The following ING5 variants were observed in gnomAD, a reference collection of about 807,000 sequenced individuals.
ING5 encodes inhibitor of growth protein 5.
Under a neutral mutation model 37.4 loss-of-function variants are expected in ING5, and 17 were observed. The ratio of observed to expected loss-of-function variants is 0.45; its 90% CI spans 0.31 to 0.68. The LOEUF is 0.68. Among genes scored for constraint, ING5 ranks in the 30% least tolerant of loss-of-function variants. The probability of loss-of-function intolerance (pLI) is 0.05; values close to 1 mark genes in which losing one functional copy is unlikely to be tolerated. For missense variants in ING5, 233 were observed against 311.9 expected (o/e 0.75, Z 1.91); for synonymous variants, 123 against 116.6 (o/e 1.06, Z -0.36).
Position 241,704,557 on chromosome 2 carries a change from A to G in ING5, c.38-96A>G, listed in dbSNP as rs1248204212. 6 of 1,002,650 alleles carry G rather than the reference A, an allele frequency of 6.0e-6. No homozygotes were observed. In the Admixed American group the frequency reaches 8.7e-5, roughly 15 times the overall value. The allele number at this position is 1,002,650 out of a possible 1,614,324, so 62.1% of individuals were successfully genotyped here. ...CACTCCAGCCTGGGCAACAAGAGTG[A>G]AACTCCATCTCAAAAAAAAAAGACA... On this transcript the variant is annotated intron_variant, in intron 1 of 7. Coordinates refer to ENST00000313552, the MANE Select transcript of ING5 (RefSeq NM_032329.6).
chr2:241,721,586 C>G (rs1404915273), intron 5 of ING5: 3 of 985,370 alleles, frequency 3.0e-6, no homozygotes, highest in Non-Finnish European at 3.6e-6. Context: ...ACCCAGACTT[C>G]TGCTCCTTGG....
In ING5 at chr2:241,719,560, G is replaced by A. The variant is rs781233545; in HGVS notation, c.483-3379G>A. On this transcript the variant is annotated intron_variant, in intron 5 of 7. Coordinates refer to ENST00000313552, the MANE Select transcript of ING5 (RefSeq NM_032329.6). Reference sequence around the variant, plus strand: ...CCTGTCCCGACCGTGCCTTTTCTGCGTGAAAGTGGGACTCCTCCTGGTCTC... The same window carrying A: ...CCTGTCCCGACCGTGCCTTTTCTGCATGAAAGTGGGACTCCTCCTGGTCTC... The A allele has an allele frequency of 3.6e-5, 55 of 1,536,012 alleles. 2 individuals carry two copies. In the South Asian group the frequency reaches 4.3e-4, roughly 12 times the overall value.
chr2:241,719,982 T>C (rs2070388563), intron 5 of ING5: 4 of 1,267,640 alleles, frequency 3.2e-6, no homozygotes, highest in South Asian at 6.6e-5. Context: ...CAAGTGGCAG[T>C]GCTGCTCCTG....
chr2:241,704,698 T>C lies in ING5; in HGVS notation c.83T>C (p.Met28Thr). ...GAACTTCAGAGGAACTTCCAGCTGATGCGAGAGCTGGACCAGAGGACGGAA... is the reference window on the plus strand; with the variant it reads ...GAACTTCAGAGGAACTTCCAGCTGACGCGAGAGCTGGACCAGAGGACGGAA... ...PCELQRNFQL[M>T]RELDQRTEDK... is the part of the protein sequence containing the mutation. The change falls in exon 2 of 8, where the codon ATG (methionine) becomes ACG (threonine). Residue 28 changes from methionine (M) to threonine (T), a missense_variant. Met to Thr is a moderately conservative substitution (Grantham distance 81). Around this residue, in one of 4 missense-constraint regions of ING5, gnomAD observed 93 missense variants for 99.7 expected, o/e 0.93. Coordinates refer to ENST00000313552, the MANE Select transcript of ING5 (RefSeq NM_032329.6). 1 of 1,614,118 alleles carries C rather than the reference T, an allele frequency of 6.2e-7. No homozygotes were observed. Among genetic ancestry groups the C allele is most frequent in the Non-Finnish European group, 8.5e-7 (1 of 1,179,952 alleles).
At position 241,722,840 on chromosome 2, in the gene ING5, T is replaced by A. The variant is rs562735642; in HGVS notation, c.483-99T>A. ...AATGATTGTCTTCACAGTTTTGGGG[T>A]GAGGGGGCCTTAAGTCAGAGACAGA... On this transcript the variant is annotated intron_variant, in intron 5 of 7. Transcript: ENST00000313552. 24 of 1,561,034 alleles carry A rather than the reference T, an allele frequency of 1.5e-5. No individual in the cohort carries two copies. In the Admixed American group the frequency reaches 3.0e-4, roughly 19 times the overall value.
chr2:241,687,322 C>T (rs1395836338), exon 1 of ING5: 1 of 398,580 alleles, frequency 2.5e-6, no homozygotes, highest in Non-Finnish European at 4.4e-6. Flanking sequence ...AGTGCAGGGG[C>T]TCAGCCGGGG....
chr2:241,721,342 T>C, intron 5 of ING5: 1 of 985,498 alleles, frequency 1.0e-6, no homozygotes. Context: ...GTGACGCTGA[T>C]GGATTTCAGC....
At position 241,713,959 on chromosome 2, in the gene ING5, C is replaced by A. The variant is rs148907902; in HGVS notation, c.482+1888C>A. ...GAGTCAAGATCACACCACTGCACCCCAGCCTGGGTGACAGAGCAAAACTCC... is the reference window on the plus strand; with the variant it reads ...GAGTCAAGATCACACCACTGCACCCAAGCCTGGGTGACAGAGCAAAACTCC... On this transcript the variant is annotated intron_variant, in intron 5 of 7. Coordinates refer to ENST00000313552, the MANE Select transcript of ING5 (RefSeq NM_032329.6). 5.3e-4 allele frequency among the ~76,000 whole-genome samples: 80 copies of A among 150,272 alleles called. 1 individual carries two copies. The highest frequency in any genetic ancestry group is 1.8e-3 in the African/African-American group (74 of 40,778).
intron 7 of ING5, chr2:241,724,623 G>A (rs999270927): frequency 3.6e-6 from 1 of 277,390 alleles, no homozygotes; most frequent in East Asian, 8.3e-5. Flanking sequence ...GGCCTGAGGG[G>A]CTGCCATGCT....
intron 5 of ING5, among the ~76,000 whole-genome samples, chr2:241,719,020 T>G (rs1387963890): frequency 1.3e-5 from 2 of 152,242 alleles, no homozygotes; most frequent in Non-Finnish European, 2.9e-5. Flanking sequence ...TCTGTTTTAG[T>G]CCAGGCCAAT....
At chr2:241,693,053 G>C (rs2069577943) in intron 2 of ING5, among the ~76,000 whole-genome samples, 1 of 152,028 alleles carries the variant, frequency 6.6e-6, no homozygotes, top group Admixed American at 6.6e-5. Context: ...GAGATCAGGA[G>C]CTCGAGACCA....
intron 5 of ING5, among the ~76,000 whole-genome samples, chr2:241,713,011 A>G (rs1189320717): frequency 6.6e-6 from 1 of 151,532 alleles, no homozygotes; most frequent in African/African-American, 2.4e-5. Flanking sequence ...AAAAAAAAAA[A>G]ATAAAGAGAA....
At chr2:241,698,934 G>C (rs1401347218), upstream of ING5, among the ~76,000 whole-genome samples, 1 of 152,058 alleles carries the variant, frequency 6.6e-6, no homozygotes, top group Non-Finnish European at 1.5e-5. Flanking sequence ...CTCTGTATTG[G>C]TCAGGCTGGT....
rs917530020 is a variant in ING5 at position 241,725,114 on chromosome 2, A to G, written c.*83A>G. ...CAATATTTCCCTTCCTTTTAAAACT[A>G]CCTTGTTCGGTTGATACTTAGTAAC... On this transcript the variant is annotated 3_prime_UTR_variant, in exon 8 of 8. Transcript: ENST00000313552. 5.6e-5 allele frequency: 80 copies of G among 1,437,110 alleles called. No homozygotes were observed. Among genetic ancestry groups the G allele is most frequent in the Non-Finnish European group, 7.2e-5 (73 of 1,020,824 alleles). The allele number at this position is 1,437,110 out of a possible 1,614,324, so 89.0% of individuals were successfully genotyped here.
chr2:241,708,786 C>T (rs962702362), intron 2 of ING5, among the ~76,000 whole-genome samples: 1 of 151,948 alleles, frequency 6.6e-6, no homozygotes, highest in Non-Finnish European at 1.5e-5. Flanking sequence ...GAATGTTTCC[C>T]GTGTGGATTT....
chr2:241,715,801 TC>T (rs1234226927), intron 5 of ING5, among the ~76,000 whole-genome samples: 1 of 150,046 alleles, frequency 6.7e-6, no homozygotes, highest in Non-Finnish European at 1.5e-5. Context: ...ATTTTTTTTT[TC>T]ATGCTACTTC....
rs370340170 is a variant in ING5 at position 241,722,425 on chromosome 2, G to A, written c.483-514G>A. On this transcript the variant is annotated intron_variant, in intron 5 of 7. Transcript: ENST00000313552. ...CCCCGGTGCTGTGGGTGAGTGCTGC[G>A]CTTCACGGCCTCCTGGGGGCCCTCT... 30 of 985,388 alleles carry A rather than the reference G, an allele frequency of 3.0e-5. No homozygotes were observed. The African/African-American group carries it at 3.5e-4, about 11-fold the overall frequency. The allele number at this position is 985,388 out of a possible 1,614,324, so 61.0% of individuals were successfully genotyped here. A position where few individuals can be genotyped will look rare whatever the true frequency, so the allele number is the denominator to read the frequency against.
Position 241,711,368 on chromosome 2 carries a change from C to T in ING5, c.277-9C>T, listed in dbSNP as rs755220607. On this transcript the variant is annotated splice_polypyrimidine_tract_variant and intron_variant, in intron 3 of 7. Transcript: ENST00000313552. ...ACTTTAAAATAAGACTTTGGGTATCCTTTTGTAGGTGGATAAACACATTCG... is the reference window on the plus strand; with the variant it reads ...ACTTTAAAATAAGACTTTGGGTATCTTTTTGTAGGTGGATAAACACATTCG... 1 of 1,474,304 alleles carries T rather than the reference C, an allele frequency of 6.8e-7. No homozygotes were observed. Among genetic ancestry groups the T allele is most frequent in the Non-Finnish European group, 9.0e-7 (1 of 1,109,888 alleles). The allele number at this position is 1,474,304 out of a possible 1,614,324, so 91.3% of individuals were successfully genotyped here. A position where few individuals can be genotyped will look rare whatever the true frequency, so the allele number is the denominator to read the frequency against.
At chr2:241,703,058 C>T (rs536368125) in intron 1 of ING5, among the ~76,000 whole-genome samples, 39 of 152,282 alleles carry the variant, frequency 2.6e-4, no homozygotes, top group African/African-American at 8.4e-4. Context: ...CCCATGTGCT[C>T]CGCTGTCTCT....
Sources: allele counts gnomAD v4.1 joint callset (sites outside exome capture counted in the v4.1 genomes callset), GRCh38; gene constraint gnomAD v4.1.1; regional missense constraint gnomAD v4.1.1; transcripts MANE v1.5; gene names NCBI Gene and HGNC (gene_info 2026-07-23, HGNC 2026-07-21).